ADCYAP1: variants seen among roughly 807,000 people sequenced by gnomAD.
ADCYAP1 encodes adenylate cyclase activating polypeptide 1.
In ADCYAP1, 6 loss-of-function variants were observed where a neutral mutation model predicts 18.5. The ratio of observed to expected loss-of-function variants is 0.32; its 90% CI spans 0.18 to 0.64. The LOEUF (loss-of-function observed/expected upper bound fraction) is 0.64, where lower values mean the gene tolerates loss of function less well. Ranked by LOEUF, ADCYAP1 falls within the 30% of genes least tolerant of loss-of-function variation. ADCYAP1 has a pLI of 0.77. For synonymous variants in ADCYAP1, 136 were observed against 113.9 expected, an observed-to-expected ratio of 1.19 and a Z score of -1.24; for missense variants, 314 against 253.6, an observed-to-expected ratio of 1.24 and a Z score of -1.62.
At chr18:904,561 G>T (rs1050746028), upstream of ADCYAP1, 14 of 1,288,836 alleles carry the variant, frequency 1.1e-5, no homozygotes, top group Middle Eastern at 2.1e-4. Context: ...AGCAGAAGCC[G>T]CAGCTTCAGA....
At chr18:904,836 C>G (rs756135022), upstream of ADCYAP1, 172 of 1,286,012 alleles carry the variant, frequency 1.3e-4, no homozygotes, top group Non-Finnish European at 2.7e-5. Context: ...GTGTCACGCT[C>G]CCTCCTGGTT....
At chr18:905,570 C>T in intron 2 of ADCYAP1, 74 bp downstream of exon 2, 2 of 1,547,322 alleles carry the variant, frequency 1.3e-6, no homozygotes, top group Non-Finnish European at 1.8e-6. Flanking sequence ...GGTCTCCTTC[C>T]TGCAGTCCTT....
Position 905,005 on chromosome 18 carries a change from G to A in ADCYAP1, c.-57G>A, listed in dbSNP as rs775104564. The A allele has an allele frequency of 1.1e-4, 138 of 1,292,162 alleles. No homozygotes were observed. Among genetic ancestry groups the A allele is most frequent in the South Asian group, 2.7e-4 (22 of 80,866 alleles). 80.0% of individuals were successfully genotyped at this position (1,292,162 alleles called of 1,614,324 possible). ...GACTCCAGCGCAGGAACTTGAAGAA[G>A]CGCTTTGCCCGCCGTCCTACCTGGC... On this transcript the variant is annotated 5_prime_UTR_variant, in exon 1 of 5. Coordinates refer to ENST00000450565, the MANE Select transcript of ADCYAP1 (RefSeq NM_001099733.2).
intron 2 of ADCYAP1, 68 bp downstream of exon 2, chr18:905,564 T>C (rs1051750118): frequency 2.6e-5 from 41 of 1,561,886 alleles, no homozygotes; most frequent in African/African-American, 4.0e-5. Context: ...CCTCACGGTC[T>C]CCTTCCTGCA....
Position 909,730 on chromosome 18 carries a change from C to A in ADCYAP1, c.*95C>A. The A allele has an allele frequency of 2.7e-6, 3 of 1,096,602 alleles. No homozygotes were observed. Among genetic ancestry groups the A allele is most frequent in the Non-Finnish European group, 2.6e-6 (2 of 771,614 alleles). 67.9% of individuals were successfully genotyped at this position (1,096,602 alleles called of 1,614,324 possible). On this transcript the variant is annotated 3_prime_UTR_variant, in exon 5 of 5. Coordinates refer to ENST00000450565, the MANE Select transcript of ADCYAP1 (RefSeq NM_001099733.2). ...ACAGTCATCGCTCGTGTGTTCTATCCAAACATGTATTTATGTAATGAAGTA... is the reference window on the plus strand; with the variant it reads ...ACAGTCATCGCTCGTGTGTTCTATCAAAACATGTATTTATGTAATGAAGTA...
intron 2 of ADCYAP1, 23 bp downstream of exon 2, chr18:905,519 A>G (rs760455583): frequency 5.0e-6 from 8 of 1,602,350 alleles, no homozygotes; most frequent in Non-Finnish European, 5.9e-6. Context: ...TGCCTGGCCC[A>G]AGCAGGAGCT....
chr18:908,870 G>A (rs906386518), intron 4 of ADCYAP1, among the ~76,000 whole-genome samples: 4 of 152,200 alleles, frequency 2.6e-5, no homozygotes, highest in African/African-American at 9.6e-5. Context: ...AATAAAGCCC[G>A]TGGGAAAACA....
Position 908,357 on chromosome 18 carries a change from G to C in ADCYAP1, c.335G>C (p.Gly112Ala). The stretch of plus-strand genomic sequence containing the variant: ...CACCTGCAGTCGCTCGTGGCCCGGG[G>C]CGTGGGGTAAGAGTTTGTGGAAGGA... The part of the protein sequence containing the change: ...GKHLQSLVAR[G>A]VGGSLGGGAG... The change falls in exon 4 of 5, where the codon GGC becomes GCC. Residue 112 changes from glycine (G) to alanine (A), a missense_variant. Physicochemically the swap from Gly to Ala is moderately conservative, Grantham distance 60 (BLOSUM62 0). Transcript: ENST00000450565. 6.2e-7 allele frequency: 1 copy of C among 1,612,776 alleles called. No homozygotes were observed. Among genetic ancestry groups the C allele is most frequent in the Non-Finnish European group, 8.5e-7 (1 of 1,179,506 alleles).
At position 905,481 on chromosome 18, in the gene ADCYAP1, G is replaced by T. The variant is rs758901557; in HGVS notation, c.95G>T (p.Arg32Leu). The part of the protein sequence containing the change: ...VYSSPAAAGL[R>L]FPGIRPEEEA... ...AGCTCACCTGCCGCCGCCGGACTCC[G>T]GTTCCCCGGGATCAGGTAGGTGCTG... Residue 32 changes from arginine to leucine, a missense_variant, in exon 2 of 5, where the codon CGG becomes CTG. By Grantham distance (102) the Arg-to-Leu change is moderately radical (BLOSUM62 -2). Transcript: ENST00000450565. 3.7e-6 allele frequency: 6 copies of T among 1,607,822 alleles called. No individual in the cohort carries two copies. Among genetic ancestry groups the T allele is most frequent in the South Asian group, 3.3e-5 (3 of 91,092 alleles).
upstream of ADCYAP1, chr18:904,533 G>A (rs768977313): frequency 9.3e-6 from 12 of 1,289,052 alleles, no homozygotes; most frequent in South Asian, 1.5e-4. Flanking sequence ...GGTCACCTCT[G>A]TAACCAGCGG....
upstream of ADCYAP1, chr18:904,563 A>T (rs1404086377): frequency 1.5e-5 from 19 of 1,288,894 alleles, 1 homozygote; most frequent in South Asian, 2.2e-4. Context: ...CAGAAGCCGC[A>T]GCTTCAGAGG....
intron 2 of ADCYAP1, among the ~76,000 whole-genome samples, chr18:907,327 G>C (rs1013482625): frequency 6.6e-6 from 1 of 152,212 alleles, no homozygotes; most frequent in Non-Finnish European, 1.5e-5. Flanking sequence ...TCGGGAGCCA[G>C]GCGGGGAGGG....
At chr18:907,829 A>G in intron 3 of ADCYAP1, 39 bp downstream of exon 3, 1 of 1,415,972 alleles carries the variant, frequency 7.1e-7, no homozygotes, top group East Asian at 2.8e-5. Flanking sequence ...CGCGGCTGGG[A>G]GCTCGGGACT....
chr18:907,699 C>T lies in ADCYAP1; in HGVS notation c.151C>T (p.Pro51Ser), dbSNP rs752346566. ...GTACGGCGAGGACGGAAACCCGCTGCCAGACTTCGATGGCTCGGAGCCGCC... is the reference window on the plus strand; with the variant it reads ...GTACGGCGAGGACGGAAACCCGCTGTCAGACTTCGATGGCTCGGAGCCGCC... ...EAYGEDGNPL[P>S]DFDGSEPPGA... The change falls in exon 3 of 5, where the codon CCA (proline) becomes TCA (serine). Residue 51 changes from proline (P) to serine (S), a missense_variant. Pro to Ser is a moderately conservative substitution (Grantham distance 74). Coordinates refer to ENST00000450565, the MANE Select transcript of ADCYAP1 (RefSeq NM_001099733.2). The T allele has an allele frequency of 3.2e-5, 50 of 1,567,466 alleles. No homozygotes were observed. Among genetic ancestry groups the T allele is most frequent in the Non-Finnish European group, 3.9e-5 (46 of 1,165,084 alleles).
Position 911,129 on chromosome 18 carries a change from C to T in ADCYAP1, c.*1494C>T, listed in dbSNP as rs1001357318. ...GCTAACTGATAAATCATTTAATCCT[C>T]TTCTTCATATGTATGAGTACTATCT... On this transcript the variant is annotated 3_prime_UTR_variant, in exon 5 of 5. Coordinates refer to ENST00000450565, the MANE Select transcript of ADCYAP1 (RefSeq NM_001099733.2). 1 of 152,164 alleles carries T rather than the reference C, an allele frequency of 6.6e-6. No individual in the cohort carries two copies. The highest frequency in any genetic ancestry group is 2.4e-5 in the African/African-American group (1 of 41,440). 9.4% of individuals were successfully genotyped at this position (152,164 alleles called of 1,614,324 possible).
At chr18:904,780 C>T (rs1909092994), upstream of ADCYAP1, 2 of 1,277,230 alleles carry the variant, frequency 1.6e-6, no homozygotes, top group South Asian at 2.5e-5. Flanking sequence ...ACCTCATCGC[C>T]CCCTCTTTCT....
Position 910,457 on chromosome 18 carries a change from G to C in ADCYAP1, c.*822G>C, listed in dbSNP as rs550194967. 2 of 152,208 alleles carry C rather than the reference G, an allele frequency of 1.3e-5. No homozygotes were observed. The highest frequency in any genetic ancestry group is 4.1e-4 in the South Asian group (2 of 4,832). 9.4% of individuals were successfully genotyped at this position (152,208 alleles called of 1,614,324 possible). A position where few individuals can be genotyped will look rare whatever the true frequency, so the allele number is the denominator to read the frequency against. On this transcript the variant is annotated 3_prime_UTR_variant, in exon 5 of 5. Transcript: ENST00000450565. ...GCTTCGTTAGACCGCTCTCTTTTCT[G>C]TACTTCCTGAGTGGCCAGGGAATCT... is the stretch of plus-strand genomic sequence containing the variant.
intron 3 of ADCYAP1, 145 bp from the exon 4 acceptor site, chr18:908,120 A>G: frequency 1.4e-6 from 1 of 726,414 alleles, no homozygotes; most frequent in Non-Finnish European, 2.2e-6. Context: ...TCATCCCGGG[A>G]GTTATTGGCG....
intron 2 of ADCYAP1, chr18:905,707 G>A: frequency 1.6e-6 from 1 of 616,850 alleles, no homozygotes; most frequent in South Asian, 2.0e-5. Flanking sequence ...GCCTCCCCCA[G>A]CCCTAGGCAG....
Sources: allele counts gnomAD v4.1 joint callset (sites outside exome capture counted in the v4.1 genomes callset), GRCh38; gene constraint gnomAD v4.1.1; transcripts MANE v1.5; gene names NCBI Gene and HGNC (gene_info 2026-07-23, HGNC 2026-07-21).